Variants in GSAP observed in about 807,000 individuals in gnomAD.
The protein encoded by GSAP is gamma-secretase activating protein, also known as gamma-secretase-activating protein.
GSAP carries 118 observed loss-of-function variants against 131.7 expected under a neutral mutation model. The observed-to-expected ratio is 0.90, with a 90% CI of 0.77 to 1.04. The LOEUF (loss-of-function observed/expected upper bound fraction) is 1.04, where lower values mean the gene tolerates loss of function less well. Among genes scored for constraint, GSAP ranks in the 50% least tolerant of loss-of-function variants. GSAP has a pLI of 0.00. For missense variants in GSAP, 1,019 were observed against 1,013.2 expected (o/e 1.01, Z -0.08); for synonymous variants, 381 against 363.4 (o/e 1.05, Z -0.55).
At chr7:77,359,360 A>G (rs1794214574) in intron 14 of GSAP, among the ~76,000 whole-genome samples, 1 of 152,116 alleles carries the variant, frequency 6.6e-6, no homozygotes, top group African/African-American at 2.4e-5. Context: ...GATAACAAGT[A>G]AAATACTTAA....
chr7:77,353,052 G>A (rs999961346), intron 17 of GSAP, 26 bp from the exon 18 acceptor site: 2 of 1,287,816 alleles, frequency 1.6e-6, no homozygotes, highest in African/African-American at 1.5e-5. Context: ...TTGAAACAGG[G>A]GGAAAAAAGA....
intron 19 of GSAP, among the ~76,000 whole-genome samples, chr7:77,335,749 G>A (rs995951164): frequency 5.3e-5 from 8 of 152,154 alleles, no homozygotes; most frequent in Admixed American, 4.6e-4. Flanking sequence ...TGCTGATTAA[G>A]CAGCATCTTC....
At chr7:77,389,055 A>C (rs375014060) in intron 5 of GSAP, among the ~76,000 whole-genome samples, 3 of 152,162 alleles carry the variant, frequency 2.0e-5, no homozygotes. Flanking sequence ...AGGAATAAGA[A>C]AGACATTGGT....
At chr7:77,332,483 G>A (rs975423775) in intron 19 of GSAP, among the ~76,000 whole-genome samples, 9 of 152,122 alleles carry the variant, frequency 5.9e-5, no homozygotes, top group Admixed American at 1.3e-4. Context: ...AACAGAGCTC[G>A]CCACATGTCA....
chr7:77,369,098 G>A (rs946679371), intron 12 of GSAP, among the ~76,000 whole-genome samples: 1 of 152,130 alleles, frequency 6.6e-6, no homozygotes, highest in African/African-American at 2.4e-5. Flanking sequence ...GCCTAATCGG[G>A]AACTTGTGAA....
chr7:77,319,763 T>C (rs1361101472), intron 26 of GSAP, among the ~76,000 whole-genome samples: 4 of 152,052 alleles, frequency 2.6e-5, no homozygotes, highest in Admixed American at 6.5e-5. Flanking sequence ...GTCATTACAC[T>C]AAGTGAAACA....
chr7:77,406,962 GAGGCCTCTAAATGAAGAACCCGGGCT>G (rs1444938590), intron 1 of GSAP, among the ~76,000 whole-genome samples: 1 of 152,160 alleles, frequency 6.6e-6, no homozygotes, highest in Non-Finnish European at 1.5e-5. Context: ...CTCTGATAAA[GAGGCCTCTAAATGAAGAACCCGGGCT>G]AGGGATGCAG....
intron 9 of GSAP, 75 bp downstream of exon 9, chr7:77,377,211 T>C: frequency 1.6e-6 from 2 of 1,223,448 alleles, no homozygotes; most frequent in Non-Finnish European, 1.0e-6. Context: ...AGCAAGACCC[T>C]GTCTCTAAAA....
chr7:77,355,896 C>T (rs893386961), intron 14 of GSAP, among the ~76,000 whole-genome samples: 1 of 150,234 alleles, frequency 6.7e-6, no homozygotes, highest in Non-Finnish European at 1.5e-5. Context: ...CTCAAGTGAT[C>T]CTCCCCACCT....
chr7:77,380,256 T>C (rs939407830), intron 8 of GSAP, among the ~76,000 whole-genome samples: 1 of 152,184 alleles, frequency 6.6e-6, no homozygotes, highest in Admixed American at 6.5e-5. Flanking sequence ...AACATACCTT[T>C]TCGTGATATG....
At chr7:77,334,025 C>T (rs1273955487) in intron 19 of GSAP, among the ~76,000 whole-genome samples, 1 of 152,136 alleles carries the variant, frequency 6.6e-6, no homozygotes, top group Non-Finnish European at 1.5e-5. Context: ...CCTCAAAGAC[C>T]TAGAACTGGA....
At chr7:77,312,712 G>A (rs752190202) in intron 28 of GSAP, among the ~76,000 whole-genome samples, 1 of 152,182 alleles carries the variant, frequency 6.6e-6, no homozygotes, top group Non-Finnish European at 1.5e-5. Flanking sequence ...GTAAGCCTGT[G>A]AGTGAGGGGC....
At chr7:77,317,141 G>A (rs193193991) in intron 26 of GSAP, among the ~76,000 whole-genome samples, 20 of 152,136 alleles carry the variant, frequency 1.3e-4, no homozygotes, top group Admixed American at 6.5e-5. Flanking sequence ...CATGTCACAT[G>A]ATGGAAATAA....
chr7:77,374,327 T>C (rs1442683549), intron 11 of GSAP, among the ~76,000 whole-genome samples, 172 bp from the exon 12 acceptor site: 1 of 152,192 alleles, frequency 6.6e-6, no homozygotes, highest in African/African-American at 2.4e-5. Flanking sequence ...TCAAAATACA[T>C]GGTATATAAA....
At chr7:77,340,174 G>A (rs909493895) in intron 19 of GSAP, among the ~76,000 whole-genome samples, 3 of 152,018 alleles carry the variant, frequency 2.0e-5, no homozygotes, top group East Asian at 1.9e-4. Flanking sequence ...TGTGACACAC[G>A]CCCCTGCCCA....
chr7:77,345,300 C>G (rs1234285397), intron 19 of GSAP, among the ~76,000 whole-genome samples: 1 of 152,196 alleles, frequency 6.6e-6, no homozygotes, highest in Non-Finnish European at 1.5e-5. Flanking sequence ...CTATACCACT[C>G]TAGGTTCCTA....
chr7:77,386,322 T>A (rs1341930708), intron 6 of GSAP, among the ~76,000 whole-genome samples: 1 of 152,238 alleles, frequency 6.6e-6, no homozygotes, highest in Non-Finnish European at 1.5e-5. Context: ...GACACTCGTG[T>A]ATACTAACTA....
At chr7:77,364,943 A>C (rs574851042) in intron 12 of GSAP, among the ~76,000 whole-genome samples, 1 of 152,286 alleles carries the variant, frequency 6.6e-6, no homozygotes, top group South Asian at 2.1e-4. Flanking sequence ...CTGAACACTC[A>C]AAATGTGGAT....
chr7:77,320,917 T>C (rs1473746848), intron 25 of GSAP, 98 bp from the exon 26 acceptor site: 4 of 736,650 alleles, frequency 5.4e-6, no homozygotes, highest in African/African-American at 3.5e-5. Flanking sequence ...CAAGGGTTCA[T>C]GCTAATCATG....
Sources: gnomAD v4.1 joint callset for allele counts (sites outside exome capture counted in the v4.1 genomes callset) on GRCh38, gnomAD v4.1.1 for gene constraint, MANE v1.5 for transcripts, NCBI Gene and HGNC (gene_info 2026-07-23, HGNC 2026-07-21) for gene names.